Variants in CNTN5 observed in about 807,000 individuals in gnomAD.
CNTN5 encodes contactin 5.
Under a neutral mutation model 129.1 loss-of-function variants are expected in CNTN5, and 77 were observed. That is an observed-to-expected ratio of 0.60 (90% CI 0.50 to 0.72). The LOEUF is 0.72. Ranked by LOEUF, CNTN5 falls within the 30% of genes least tolerant of loss-of-function variation. CNTN5 has a pLI of 0.00. For missense variants in CNTN5, 1,478 were observed against 1,328.8 expected, an observed-to-expected ratio of 1.11 and a Z score of -1.75; for synonymous variants, 509 against 465.6, an observed-to-expected ratio of 1.09 and a Z score of -1.20.
intron 2 of CNTN5, among the ~76,000 whole-genome samples, chr11:99,349,397 G>T (rs1304443723): frequency 1.3e-5 from 2 of 152,164 alleles, no homozygotes; most frequent in Non-Finnish European, 2.9e-5. Flanking sequence ...TAAGTGAACT[G>T]CTGTTCAGCT....
intron 2 of CNTN5, among the ~76,000 whole-genome samples, chr11:99,411,353 C>T (rs1400846780): frequency 6.6e-6 from 1 of 151,854 alleles, no homozygotes; most frequent in Non-Finnish European, 1.5e-5. Context: ...ACCCCATATC[C>T]ACAAAAAAAT....
chr11:99,871,548 T>G (rs1287218066), intron 6 of CNTN5, among the ~76,000 whole-genome samples: 1 of 152,054 alleles, frequency 6.6e-6, no homozygotes, highest in South Asian at 2.1e-4. Flanking sequence ...AAACTCCAAC[T>G]ATCCAGCATG....
At chr11:99,695,641 G>A (rs373732913) in intron 3 of CNTN5, among the ~76,000 whole-genome samples, 9 of 151,906 alleles carry the variant, frequency 5.9e-5, no homozygotes, top group Admixed American at 5.3e-4. Context: ...TAATCCCAGC[G>A]CTTTGGGAGG....
intron 1 of CNTN5, among the ~76,000 whole-genome samples, chr11:99,180,678 C>A (rs1306616292): frequency 6.6e-6 from 1 of 152,036 alleles, no homozygotes; most frequent in Non-Finnish European, 1.5e-5. Context: ...TTTAACTTTC[C>A]CTTCACAGTC....
At chr11:99,878,434 C>A (rs1344025319) in intron 6 of CNTN5, among the ~76,000 whole-genome samples, 1 of 152,092 alleles carries the variant, frequency 6.6e-6, no homozygotes, top group Non-Finnish European at 1.5e-5. Context: ...AAATTCTGAA[C>A]AACAGTGCAA....
chr11:99,709,653 A>G (rs189605608), intron 3 of CNTN5, among the ~76,000 whole-genome samples: 1,881 of 151,972 alleles, frequency 0.012, 37 homozygotes, highest in African/African-American at 0.042. Flanking sequence ...AACAATTGCA[A>G]ATTAACAGGT....
intron 13 of CNTN5, among the ~76,000 whole-genome samples, chr11:100,093,728 G>A (rs1944884977): frequency 6.6e-6 from 1 of 152,044 alleles, no homozygotes; most frequent in Non-Finnish European, 1.5e-5. Context: ...AACAGCTTTT[G>A]CCAAAGTGGC....
intron 1 of CNTN5, among the ~76,000 whole-genome samples, chr11:99,077,593 T>C (rs1160643215): frequency 2.0e-5 from 3 of 152,200 alleles, no homozygotes; most frequent in Non-Finnish European, 4.4e-5. Flanking sequence ...ACTAAAAGCA[T>C]CACTAAGTGG....
At chr11:99,865,015 A>G (rs185530465) in intron 6 of CNTN5, among the ~76,000 whole-genome samples, 16 of 152,354 alleles carry the variant, frequency 1.1e-4, no homozygotes, top group Non-Finnish European at 2.9e-5. Context: ...AAGAGGAATC[A>G]GTTGCCTCTG....
chr11:99,913,725 A>C lies in CNTN5; in HGVS notation c.578-2329A>C, dbSNP rs752401798. ...ATGCCTGTACTTCAATTCCTCAGAA[A>C]TAGGCATTAATTTAGGACTGTTTTC... On this transcript the variant is annotated intron_variant, in intron 6 of 24. Transcript: ENST00000524871. Among the ~76,000 whole-genome samples, 39 of 152,224 alleles carry C rather than the reference A, an allele frequency of 2.6e-4. 1 individual carries two copies. The highest frequency in any genetic ancestry group is 6.8e-3 in the Middle Eastern group (2 of 294).
At chr11:99,193,043 A>T (rs1858725062) in intron 1 of CNTN5, among the ~76,000 whole-genome samples, 1 of 152,150 alleles carries the variant, frequency 6.6e-6, no homozygotes, top group Non-Finnish European at 1.5e-5. Flanking sequence ...AGCTAAGTAG[A>T]GCTTCTTGTT....
intron 15 of CNTN5, among the ~76,000 whole-genome samples, chr11:100,205,105 T>C (rs1401024493): frequency 2.0e-5 from 3 of 152,104 alleles, no homozygotes; most frequent in African/African-American, 7.2e-5. Flanking sequence ...ACTATTGATA[T>C]GTAAGTATTG....
chr11:99,974,627 A>G (rs528665152), intron 8 of CNTN5, among the ~76,000 whole-genome samples: 1 of 152,302 alleles, frequency 6.6e-6, no homozygotes, highest in South Asian at 2.1e-4. Flanking sequence ...GACTATATGG[A>G]GCAACCCACA....
chr11:99,825,020 A>G (rs1031835942), intron 4 of CNTN5, among the ~76,000 whole-genome samples: 1 of 152,008 alleles, frequency 6.6e-6, no homozygotes, highest in Non-Finnish European at 1.5e-5. Context: ...GAGCCCTATC[A>G]ATCTGTTACT....
Position 99,526,845 on chromosome 11 carries a change from C to T in CNTN5, c.-70-29300C>T, listed in dbSNP as rs188788730. 1.5e-3 allele frequency among the ~76,000 whole-genome samples: 221 copies of T among 152,320 alleles called. 2 individuals are homozygous for T. Among genetic ancestry groups the T allele is most frequent in the African/African-American group, 4.6e-3 (193 of 41,566 alleles). ...CACAGTCTGTAAAACTCAGCCAACA[C>T]ACAGAAAAGTACACTGCTGCTAGAA... On this transcript the variant is annotated intron_variant, in intron 2 of 24. Coordinates refer to ENST00000524871, the MANE Select transcript of CNTN5 (RefSeq NM_014361.4).
chr11:100,226,114 A>C (rs1949369871), intron 16 of CNTN5, among the ~76,000 whole-genome samples: 1 of 152,072 alleles, frequency 6.6e-6, no homozygotes, highest in South Asian at 2.1e-4. Flanking sequence ...TAAAACACCA[A>C]CTTTTTAAAG....
intron 2 of CNTN5, among the ~76,000 whole-genome samples, chr11:99,498,425 AT>A (rs929683958): frequency 6.6e-6 from 1 of 152,006 alleles, no homozygotes; most frequent in Non-Finnish European, 1.5e-5. Flanking sequence ...TTTCCAACTA[AT>A]TTTTTTATTC....
chr11:99,184,633 T>C (rs991545872), intron 1 of CNTN5, among the ~76,000 whole-genome samples: 1 of 152,090 alleles, frequency 6.6e-6, no homozygotes, highest in East Asian at 1.9e-4. Flanking sequence ...AAGTGTCATA[T>C]CATATAATTC....
intron 1 of CNTN5, among the ~76,000 whole-genome samples, chr11:99,139,830 C>T (rs1413032013): frequency 2.6e-5 from 4 of 152,042 alleles, no homozygotes; most frequent in Non-Finnish European, 5.9e-5. Flanking sequence ...CTGTCCTTTA[C>T]AGTTTGGACA....
Sources: gnomAD v4.1 joint callset for allele counts (sites outside exome capture counted in the v4.1 genomes callset) on GRCh38, gnomAD v4.1.1 for gene constraint, MANE v1.5 for transcripts, NCBI Gene and HGNC (gene_info 2026-07-23, HGNC 2026-07-21) for gene names.